The following MED12L variants were observed in gnomAD, a reference collection of about 807,000 sequenced individuals.
The protein encoded by MED12L is mediator complex subunit 12L, also known as mediator of RNA polymerase II transcription subunit 12-like protein.
MED12L carries 60 observed loss-of-function variants against 281.3 expected under a neutral mutation model. That is an observed-to-expected ratio of 0.21 (90% confidence interval 0.17 to 0.26). The LOEUF is 0.26. Among genes scored for constraint, MED12L ranks in the 10% least tolerant of loss-of-function variants. The probability of loss-of-function intolerance (pLI) is 1.00; values close to 1 mark genes in which losing one functional copy is unlikely to be tolerated. For missense variants in MED12L, 2,146 were observed against 2,680.9 expected, an observed-to-expected ratio of 0.80 and a Z score of 4.41; for synonymous variants, 974 against 987.2, an observed-to-expected ratio of 0.99 and a Z score of 0.25.
Position 151,384,132 on chromosome 3 carries a change from A to AC in MED12L, c.4841dup (p.Leu1615ValfsTer4). The AC allele has an allele frequency of 6.2e-7, 1 of 1,614,076 alleles. No individual in the cohort carries two copies. The highest frequency in any genetic ancestry group is 8.5e-7 in the Non-Finnish European group (1 of 1,179,942). On this transcript the variant is annotated frameshift_variant, in exon 35 of 45. Coordinates refer to ENST00000687756, the MANE Select transcript of MED12L (RefSeq NM_001393769.1). LOFTEE classifies it high-confidence loss of function. ...CATGCTGGGTGTTTTAATCAATGGA[A>AC]CGTTAGCCTCTGACCTATCAAATGC...
rs1290797669 is a variant in MED12L at position 151,435,805 on chromosome 3, T to TTAAA, written c.*3004_*3007dup. On this transcript the variant is annotated 3_prime_UTR_variant, in exon 45 of 45. Coordinates refer to ENST00000687756, the MANE Select transcript of MED12L (RefSeq NM_001393769.1). Reference sequence around the variant, plus strand: ...CATTTTGTGTAGGATTGATCAGATTTTAAATACAGTGAAACTTCATTATAT... The same window carrying TTAAA: ...CATTTTGTGTAGGATTGATCAGATTTTAAATAAATACAGTGAAACTTCATTATAT... 4 of 151,368 alleles carry TTAAA rather than the reference T, an allele frequency of 2.6e-5. No individual in the cohort carries two copies. Among genetic ancestry groups the TTAAA allele is most frequent in the Non-Finnish European group, 5.9e-5 (4 of 67,974 alleles). The allele number at this position is 151,368 out of a possible 1,614,324, so 9.4% of individuals were successfully genotyped here.
intron 6 of MED12L, among the ~76,000 whole-genome samples, chr3:151,157,405 G>C (rs1433386023): frequency 2.6e-5 from 4 of 151,968 alleles, no homozygotes; most frequent in African/African-American, 9.7e-5. Context: ...AAGGGCATGG[G>C]TATATAAACA....
At chr3:151,278,137 G>A (rs1742203934) in intron 16 of MED12L, 1 of 152,148 alleles carries the variant, frequency 6.6e-6, no homozygotes, top group Non-Finnish European at 1.5e-5. Context: ...AATTATAGTT[G>A]TCAAACAAAA....
intron 16 of MED12L, among the ~76,000 whole-genome samples, chr3:151,278,988 G>T (rs1455905955): frequency 6.6e-6 from 1 of 152,184 alleles, no homozygotes; most frequent in African/African-American, 2.4e-5. Flanking sequence ...TGTTTGTGCT[G>T]TGTTACTATT....
chr3:151,399,027 C>T (rs919487481), intron 39 of MED12L, among the ~76,000 whole-genome samples: 47 of 151,242 alleles, frequency 3.1e-4, no homozygotes, highest in African/African-American at 1.1e-3. Context: ...GAAGTGAAAC[C>T]GCAGAGAAGT....
At chr3:151,355,301 T>C (rs1753771891) in intron 18 of MED12L, 62 bp downstream of exon 18, 1 of 1,111,000 alleles carries the variant, frequency 9.0e-7, no homozygotes, top group Non-Finnish European at 1.3e-6. Context: ...AAAATTTTTT[T>C]CATGCAGTAT....
chr3:151,283,822 A>G (rs1269014738), intron 16 of MED12L, among the ~76,000 whole-genome samples: 1 of 152,248 alleles, frequency 6.6e-6, no homozygotes, highest in Non-Finnish European at 1.5e-5. Context: ...TTTAAATAAT[A>G]TTATCCCAAG....
At chr3:151,141,272 T>C (rs1383878571) in intron 5 of MED12L, among the ~76,000 whole-genome samples, 2 of 151,350 alleles carry the variant, frequency 1.3e-5, no homozygotes, top group Non-Finnish European at 2.9e-5. Context: ...TCCACCTGCT[T>C]TGACCTCCAA....
chr3:151,246,903 G>T (rs971068986), intron 16 of MED12L, among the ~76,000 whole-genome samples: 12 of 152,066 alleles, frequency 7.9e-5, no homozygotes, highest in Non-Finnish European at 1.5e-4. Flanking sequence ...AATCTACAAT[G>T]AACTGAAACA....
At chr3:151,362,642 G>A (rs927978693) in intron 21 of MED12L, among the ~76,000 whole-genome samples, 7 of 152,022 alleles carry the variant, frequency 4.6e-5, no homozygotes, top group African/African-American at 1.7e-4. Context: ...CTTCATGACA[G>A]CAGAAGCTTT....
intron 16 of MED12L, among the ~76,000 whole-genome samples, chr3:151,207,890 T>A (rs912479544): frequency 7.9e-5 from 12 of 152,222 alleles, no homozygotes; most frequent in African/African-American, 2.9e-4. Flanking sequence ...GAGAGGCAGC[T>A]TGGTCAGATA....
At chr3:151,154,559 ATG>A (rs1719012782) in intron 5 of MED12L, among the ~76,000 whole-genome samples, 1 of 152,184 alleles carries the variant, frequency 6.6e-6, no homozygotes, top group Non-Finnish European at 1.5e-5. Context: ...GGGTGTATGA[ATG>A]TGTGTGTTAT....
intron 16 of MED12L, among the ~76,000 whole-genome samples, chr3:151,211,273 T>G (rs1727115566): frequency 6.6e-6 from 1 of 152,222 alleles, no homozygotes; most frequent in Admixed American, 6.5e-5. Flanking sequence ...TCACTTTCAC[T>G]TTTTTACCAT....
intron 43 of MED12L, among the ~76,000 whole-genome samples, chr3:151,422,457 G>A (rs957543590): frequency 3.9e-5 from 6 of 152,074 alleles, no homozygotes; most frequent in East Asian, 1.9e-4. Context: ...CGCTCGGCCC[G>A]TGGAAGCAGC....
chr3:151,124,822 TTC>T (rs1714269578), intron 4 of MED12L, among the ~76,000 whole-genome samples: 2 of 152,232 alleles, frequency 1.3e-5, no homozygotes, highest in Non-Finnish European at 1.5e-5. Context: ...AAAAGGAGAC[TTC>T]TGGCATCTAG....
At chr3:151,263,975 T>TA (rs1438579246) in intron 16 of MED12L, among the ~76,000 whole-genome samples, 1 of 152,222 alleles carries the variant, frequency 6.6e-6, no homozygotes, top group African/African-American at 2.4e-5. Flanking sequence ...TGAGATCTCT[T>TA]ACCACCACTC....
At chr3:151,380,497 C>A (rs566409027) in intron 32 of MED12L, among the ~76,000 whole-genome samples, 143 of 149,654 alleles carry the variant, frequency 9.6e-4, no homozygotes, top group African/African-American at 3.4e-3. Context: ...CTCGGGAGGC[C>A]AAGGCAGGAG....
At chr3:151,109,955 GCCTCA>G (rs1196001766) in intron 2 of MED12L, among the ~76,000 whole-genome samples, 2 of 152,102 alleles carry the variant, frequency 1.3e-5, no homozygotes, top group Non-Finnish European at 2.9e-5. Context: ...GATCTTAGTT[GCCTCA>G]CCTTTGCAGA....
At chr3:151,340,111 C>A (rs1751621703) in intron 16 of MED12L, among the ~76,000 whole-genome samples, 1 of 152,130 alleles carries the variant, frequency 6.6e-6, no homozygotes, top group Non-Finnish European at 1.5e-5. Context: ...CATCTCCTCA[C>A]CTATTTAGCG....
Sources: gnomAD v4.1 joint callset for allele counts (sites outside exome capture counted in the v4.1 genomes callset) on GRCh38, gnomAD v4.1.1 for gene constraint, MANE v1.5 for transcripts, NCBI Gene and HGNC (gene_info 2026-07-23, HGNC 2026-07-21) for gene names.